Variants in MBD5 observed in about 807,000 individuals in gnomAD.
MBD5 encodes the protein methyl-CpG binding domain protein 5, also known as methyl-CpG-binding domain protein 5.
MBD5 carries 13 observed loss-of-function variants against 117.3 expected under a neutral mutation model. That is an observed-to-expected ratio of 0.11 (90% CI 0.07 to 0.18). The LOEUF is 0.18. Among genes scored for constraint, MBD5 ranks in the 10% least tolerant of loss-of-function variants. The pLI, the probability that MBD5 is intolerant of heterozygous loss-of-function variation, is 1.00. For missense variants in MBD5, 1,879 were observed against 2,093.8 expected, an observed-to-expected ratio of 0.90 and a Z score of 2.00; for synonymous variants, 727 against 766.4, an observed-to-expected ratio of 0.95 and a Z score of 0.85.
intron 1 of MBD5, among the ~76,000 whole-genome samples, chr2:148,142,814 A>G (rs1305120982): frequency 6.6e-6 from 1 of 152,206 alleles, no homozygotes; most frequent in Non-Finnish European, 1.5e-5. Flanking sequence ...ATACCCAGAT[A>G]GCAGTGGTGT....
intron 4 of MBD5, among the ~76,000 whole-genome samples, chr2:148,363,423 C>T (rs377370027): frequency 2.2e-4 from 34 of 152,064 alleles, no homozygotes; most frequent in African/African-American, 7.5e-4. Context: ...TTTGTAGAGA[C>T]GGGGTTTCGC....
chr2:148,199,912 G>T (rs1699095334), intron 2 of MBD5, among the ~76,000 whole-genome samples: 1 of 152,086 alleles, frequency 6.6e-6, no homozygotes, highest in Non-Finnish European at 1.5e-5. Flanking sequence ...AAAGTGATTT[G>T]ATTTTTAAAC....
chr2:148,358,340 T>C (rs573320225), intron 4 of MBD5, among the ~76,000 whole-genome samples: 1 of 152,174 alleles, frequency 6.6e-6, no homozygotes, highest in South Asian at 2.1e-4. Context: ...GCCCAAGATA[T>C]AGGTAATAGG....
intron 3 of MBD5, among the ~76,000 whole-genome samples, chr2:148,284,565 C>T (rs1701328117): frequency 6.6e-6 from 1 of 152,038 alleles, no homozygotes; most frequent in South Asian, 2.1e-4. Context: ...TGGTATCACC[C>T]TCTATCAAAA....
chr2:148,095,112 A>G (rs1168340554), intron 1 of MBD5, among the ~76,000 whole-genome samples: 1 of 152,196 alleles, frequency 6.6e-6, no homozygotes, highest in Non-Finnish European at 1.5e-5. Context: ...AAAGATTGAC[A>G]TTCCCAGCAT....
chr2:148,321,456 A>G (rs1026545105), intron 3 of MBD5, among the ~76,000 whole-genome samples: 1 of 152,180 alleles, frequency 6.6e-6, no homozygotes, highest in Non-Finnish European at 1.5e-5. Context: ...GTGTCCTGTC[A>G]TGCAGATAGG....
intron 2 of MBD5, among the ~76,000 whole-genome samples, chr2:148,229,671 T>C (rs1357548554): frequency 1.3e-5 from 2 of 152,166 alleles, no homozygotes; most frequent in Non-Finnish European, 2.9e-5. Flanking sequence ...AAGGACTTGA[T>C]TGTTGTGATC....
intron 4 of MBD5, among the ~76,000 whole-genome samples, chr2:148,380,563 A>G (rs1321763517): frequency 1.3e-5 from 2 of 152,214 alleles, no homozygotes; most frequent in Admixed American, 6.5e-5. Context: ...AACATGTAAA[A>G]TTTATATATA....
At chr2:148,484,214 T>C (rs776469007) in intron 9 of MBD5, 79 bp downstream of exon 9, 3 of 1,201,502 alleles carry the variant, frequency 2.5e-6, no homozygotes, top group Non-Finnish European at 3.4e-6. Context: ...AAAACTCCAT[T>C]TTGTCACACT....
rs754704386 is a variant in MBD5 at position 148,483,535 on chromosome 2, C to G, written c.2944C>G (p.Gln982Glu). 5.6e-6 allele frequency: 9 copies of G among 1,598,826 alleles called. No individual in the cohort carries two copies. The South Asian group carries it at 1.0e-4, about 18-fold the overall frequency. ...LSSDMDGQVL[Q>E]PVHFQLLAAL... ...CAGTGACATGGATGGGCAGGTATTG[C>G]AGCCTGTTCACTTTCAGCTCTTAGC... Residue 982 changes from glutamine to glutamate, a missense_variant, in exon 9 of 14, where the codon CAG (glutamine) becomes GAG (glutamate). Gln to Glu is a conservative substitution (Grantham distance 29). Around this residue, in one of 4 missense-constraint regions of MBD5, gnomAD observed 1,666 missense variants for 1,792.2 expected, o/e 0.93. Transcript: ENST00000642680.
intron 8 of MBD5, among the ~76,000 whole-genome samples, chr2:148,476,684 G>T (rs1323165607): frequency 1.3e-5 from 2 of 152,120 alleles, no homozygotes; most frequent in African/African-American, 4.8e-5. Flanking sequence ...TAATGTTTCA[G>T]AATATCCATG....
chr2:148,251,584 C>T (rs928538643), intron 3 of MBD5, among the ~76,000 whole-genome samples: 7 of 152,174 alleles, frequency 4.6e-5, no homozygotes, highest in Non-Finnish European at 1.5e-5. Flanking sequence ...TCATAGTATA[C>T]ATTTTACGTA....
chr2:148,163,317 G>A (rs1320080645), intron 1 of MBD5, among the ~76,000 whole-genome samples: 2 of 152,148 alleles, frequency 1.3e-5, no homozygotes, highest in African/African-American at 4.8e-5. Flanking sequence ...CCACTTTCTT[G>A]CTAAGTGACC....
chr2:148,240,988 A>G (rs2106192195), intron 3 of MBD5, among the ~76,000 whole-genome samples: 2 of 150,256 alleles, frequency 1.3e-5, no homozygotes, highest in African/African-American at 2.4e-5. Context: ...TATTATGATG[A>G]TCTTTTTCTT....
intron 1 of MBD5, among the ~76,000 whole-genome samples, chr2:148,170,145 T>C (rs1343867975): frequency 3.9e-5 from 6 of 152,132 alleles, no homozygotes; most frequent in Non-Finnish European, 8.8e-5. Flanking sequence ...GATCTGCCCG[T>C]CTCGGCTTCC....
At position 148,458,961 on chromosome 2, in the gene MBD5, A is replaced by G. The variant is rs1574447130; in HGVS notation, c.113+90A>G. 8 of 1,016,452 alleles carry G rather than the reference A, an allele frequency of 7.9e-6. 1 individual carries two copies. The East Asian group carries it at 9.6e-5, about 12-fold the overall frequency. 63.0% of individuals were successfully genotyped at this position (1,016,452 alleles called of 1,614,324 possible). ...AGCATGGTGACTGATGGCACCTCAT[A>G]TAAATGTGAAAAAGTGACCTTTGTG... On this transcript the variant is annotated intron_variant, in intron 5 of 13. Transcript: ENST00000642680.
In MBD5 at chr2:148,021,461, T is replaced by G; in HGVS notation, c.-1148T>G. On this transcript the variant is annotated 5_prime_UTR_variant, in exon 1 of 14. Coordinates refer to ENST00000642680, the MANE Select transcript of MBD5 (RefSeq NM_001378120.1). ...AGCAACACAGACCCTTTGCTGCTGC[T>G]GTTGCTGCTGCTGCTGCTGTTGCTG... is the stretch of plus-strand genomic sequence containing the variant. 2 of 576,288 alleles carry G rather than the reference T, an allele frequency of 3.5e-6. No homozygotes were observed. Among genetic ancestry groups the G allele is most frequent in the South Asian group, 3.0e-5 (2 of 66,364 alleles). 35.7% of individuals were successfully genotyped at this position (576,288 alleles called of 1,614,324 possible).
At chr2:148,165,450 G>T (rs1306251786) in intron 1 of MBD5, among the ~76,000 whole-genome samples, 1 of 151,902 alleles carries the variant, frequency 6.6e-6, no homozygotes, top group East Asian at 1.9e-4. Flanking sequence ...GTACTTTGAG[G>T]TAATCTTTTT....
chr2:148,327,958 C>T (rs1398518841), intron 3 of MBD5, among the ~76,000 whole-genome samples: 3 of 151,986 alleles, frequency 2.0e-5, no homozygotes, highest in Non-Finnish European at 4.4e-5. Context: ...TGTTTTTTCC[C>T]CATCTTTGTG....
Sources: allele counts gnomAD v4.1 joint callset (sites outside exome capture counted in the v4.1 genomes callset), GRCh38; gene constraint gnomAD v4.1.1; regional missense constraint gnomAD v4.1.1; transcripts MANE v1.5; gene names NCBI Gene and HGNC (gene_info 2026-07-23, HGNC 2026-07-21).